Variants in CSMD1 observed in about 807,000 individuals in gnomAD.
CSMD1 encodes CUB and sushi domain-containing protein 1.
A neutral mutation model predicts 417.5 loss-of-function variants in CSMD1; 213 were observed. The ratio of observed to expected loss-of-function variants is 0.51; its 90% CI spans 0.46 to 0.57. The LOEUF is 0.57. Among genes scored for constraint, CSMD1 ranks in the 20% least tolerant of loss-of-function variants. CSMD1 has a pLI of 0.00. For missense variants in CSMD1, 6,923 were observed against 4,529.7 expected (o/e 1.53, Z -15.17); for synonymous variants, 2,862 against 1,736.8 (o/e 1.65, Z -16.11).
chr8:4,252,763 C>G (rs182366612), intron 3 of CSMD1, among the ~76,000 whole-genome samples: 2 of 152,200 alleles, frequency 1.3e-5, no homozygotes, highest in African/African-American at 4.8e-5. Flanking sequence ...ACTGCAGTGG[C>G]AGACATACAC....
At chr8:4,943,363 G>T (rs1435908043) in intron 1 of CSMD1, among the ~76,000 whole-genome samples, 1 of 151,996 alleles carries the variant, frequency 6.6e-6, no homozygotes, top group African/African-American at 2.4e-5. Context: ...GGGCGTGGTG[G>T]TGGACGCCTG....
chr8:4,226,616 T>C (rs1028485670), intron 3 of CSMD1, among the ~76,000 whole-genome samples: 1 of 152,204 alleles, frequency 6.6e-6, no homozygotes, highest in Non-Finnish European at 1.5e-5. Context: ...TGATATTCTA[T>C]AACATCAATT....
chr8:4,547,986 G>T (rs1220100264), intron 2 of CSMD1, among the ~76,000 whole-genome samples: 2 of 152,108 alleles, frequency 1.3e-5, no homozygotes, highest in Non-Finnish European at 2.9e-5. Context: ...GCAAATGTAG[G>T]CCAGGCACTC....
intron 4 of CSMD1, among the ~76,000 whole-genome samples, chr8:4,007,874 G>C (rs1056384058): frequency 2.0e-5 from 3 of 152,058 alleles, no homozygotes; most frequent in Non-Finnish European, 4.4e-5. Context: ...TAGTTATAGA[G>C]ATCTGTGGCT....
chr8:3,770,998 C>G (rs1375382162), intron 5 of CSMD1, among the ~76,000 whole-genome samples: 6 of 141,376 alleles, frequency 4.2e-5, no homozygotes, highest in African/African-American at 1.6e-4. Context: ...GTTTCTCTCT[C>G]TCTCTCTCTG....
At chr8:3,947,568 T>A (rs1400413099) in intron 5 of CSMD1, among the ~76,000 whole-genome samples, 1 of 152,206 alleles carries the variant, frequency 6.6e-6, no homozygotes, top group Non-Finnish European at 1.5e-5. Flanking sequence ...TATTTGGAAA[T>A]TAAATAAACC....
At chr8:3,586,579 T>C (rs1258003157) in intron 8 of CSMD1, among the ~76,000 whole-genome samples, 1 of 151,984 alleles carries the variant, frequency 6.6e-6, no homozygotes, top group African/African-American at 2.4e-5. Context: ...AATAAGAAAA[T>C]AAATGTGAAG....
At position 4,491,298 on chromosome 8, in the gene CSMD1, G is replaced by A. The variant is rs150589258; in HGVS notation, c.303-71233C>T. The stretch of plus-strand genomic sequence containing the variant: ...AAGATCCCAAGAGGAGATGCCTGAC[G>A]TGCCAAGGAGTGCAGCCTTATCTGG... On this transcript the variant is annotated intron_variant, in intron 2 of 69. Coordinates refer to ENST00000635120, the MANE Select transcript of CSMD1 (RefSeq NM_033225.6). Among the ~76,000 whole-genome samples, 614 of 152,266 alleles carry A rather than the reference G, an allele frequency of 4.0e-3. 2 individuals are homozygous for A. The highest frequency in any genetic ancestry group is 5.0e-3 in the Non-Finnish European group (342 of 68,018).
At chr8:3,502,566 G>A (rs1796651743) in intron 10 of CSMD1, among the ~76,000 whole-genome samples, 1 of 152,052 alleles carries the variant, frequency 6.6e-6, no homozygotes, top group African/African-American at 2.4e-5. Context: ...GAGAAAACAT[G>A]GGGGAAAACT....
In CSMD1 at chr8:3,201,739, G is replaced by C; in HGVS notation, c.4985-14C>G. The C allele has an allele frequency of 6.6e-7, 1 of 1,520,850 alleles. No homozygotes were observed. The highest frequency in any genetic ancestry group is 9.0e-7 in the Non-Finnish European group (1 of 1,109,610). 94.2% of individuals were successfully genotyped at this position (1,520,850 alleles called of 1,614,324 possible). ...GTCCAAAGACCACTAAAAAATAAGA[G>C]GTGGGATGTTGGCACAAGATGCTCT... On this transcript the variant is annotated splice_polypyrimidine_tract_variant and intron_variant, in intron 31 of 69. Transcript: ENST00000635120.
intron 41 of CSMD1, among the ~76,000 whole-genome samples, chr8:3,139,622 T>C (rs935696009): frequency 2.0e-5 from 3 of 152,176 alleles, no homozygotes; most frequent in African/African-American, 7.2e-5. Flanking sequence ...ATAAGTTTTC[T>C]GGAACTATGT....
chr8:2,958,608 G>C (rs554471833), intron 62 of CSMD1, among the ~76,000 whole-genome samples: 2 of 152,218 alleles, frequency 1.3e-5, no homozygotes, highest in East Asian at 1.9e-4. Context: ...CCATGGTTCT[G>C]TGTATCTGCA....
chr8:3,950,971 A>T (rs757328826), intron 5 of CSMD1, among the ~76,000 whole-genome samples: 2 of 152,238 alleles, frequency 1.3e-5, no homozygotes, highest in South Asian at 2.1e-4. Flanking sequence ...TTTTCATCAC[A>T]TAACAGTTAC....
chr8:4,301,018 G>C (rs772050302), intron 3 of CSMD1, among the ~76,000 whole-genome samples: 4 of 152,134 alleles, frequency 2.6e-5, no homozygotes, highest in South Asian at 2.1e-4. Flanking sequence ...CTTTATAGCA[G>C]CATGATAAGA....
chr8:4,257,626 C>T (rs55692588), intron 3 of CSMD1, among the ~76,000 whole-genome samples: 13,911 of 152,184 alleles, frequency 0.091, 939 homozygotes, highest in East Asian at 0.35. Context: ...GTTTGTCCTA[C>T]TGTTTCAGGA....
In CSMD1 at chr8:4,787,927, C is replaced by G. The variant is rs1227351823; in HGVS notation, c.86-150369G>C. 6 of 1,591,618 alleles carry G rather than the reference C, an allele frequency of 3.8e-6. No homozygotes were observed. In the Admixed American group the frequency reaches 8.7e-5, roughly 23 times the overall value. On this transcript the variant is annotated intron_variant, in intron 1 of 69. Coordinates refer to ENST00000635120, the MANE Select transcript of CSMD1 (RefSeq NM_033225.6). Reference sequence around the variant, plus strand: ...TGTAACCACAAAGAAATTGTTCTTGCTGATGTAATTGACAATGATTCCTGG... The same window carrying G: ...TGTAACCACAAAGAAATTGTTCTTGGTGATGTAATTGACAATGATTCCTGG...
intron 3 of CSMD1, among the ~76,000 whole-genome samples, chr8:4,292,722 A>C (rs190016382): frequency 3.3e-5 from 5 of 152,276 alleles, no homozygotes; most frequent in South Asian, 2.1e-4. Flanking sequence ...TTATAGTCTT[A>C]ATATTAGGCC....
intron 3 of CSMD1, among the ~76,000 whole-genome samples, chr8:4,301,508 C>A (rs1431837750): frequency 6.6e-6 from 1 of 152,166 alleles, no homozygotes; most frequent in Non-Finnish European, 1.5e-5. Context: ...CTATTGAAAG[C>A]TCTACTCTTG....
intron 1 of CSMD1, among the ~76,000 whole-genome samples, chr8:4,883,890 C>T (rs1803565563): frequency 6.6e-6 from 1 of 151,936 alleles, no homozygotes; most frequent in South Asian, 2.1e-4. Context: ...TTATGTCTAA[C>T]ATTTTGAGGA....
Sources: allele counts gnomAD v4.1 joint callset (sites outside exome capture counted in the v4.1 genomes callset), GRCh38; gene constraint gnomAD v4.1.1; transcripts MANE v1.5; gene names NCBI Gene and HGNC (gene_info 2026-07-23, HGNC 2026-07-21).